Variants in TYK2 observed in about 807,000 individuals in gnomAD.
TYK2 encodes the protein non-receptor tyrosine-protein kinase TYK2.
TYK2 carries 65 observed loss-of-function variants against 130.9 expected under a neutral mutation model. That is an observed-to-expected ratio of 0.50 (90% CI 0.41 to 0.61). The LOEUF is 0.61. TYK2 is among the 20% of genes least tolerant of loss of function. The pLI is 0.00. For synonymous variants in TYK2, 647 were observed against 658.9 expected (o/e 0.98, Z 0.28); for missense variants, 1,378 against 1,610.7 (o/e 0.86, Z 2.47).
At chr19:10,366,674 T>A in intron 5 of TYK2, 94 bp from the exon 6 acceptor site, 1 of 1,348,124 alleles carries the variant, frequency 7.4e-7, no homozygotes. Context: ...TGGACCACAC[T>A]GGAAGAAGTG....
rs947365715 is a variant in TYK2 at position 10,364,548 on chromosome 19, C to G, written c.1367+66G>C. ...ACCTACACACACACCCTGCACAGCC[C>G]CTAGGGCTCACAGTCTAGTTGGCAC... On this transcript the variant is annotated intron_variant, in intron 9 of 24. Coordinates refer to ENST00000525621, the MANE Select transcript of TYK2 (RefSeq NM_003331.5). This position sits in a 1 kb window ranked among gnomAD's most constrained non-coding sequence, Gnocchi z 4.9. 6.3e-7 allele frequency: 1 copy of G among 1,583,980 alleles called. No homozygotes were observed. Among genetic ancestry groups the G allele is most frequent in the African/African-American group, 1.3e-5 (1 of 74,302 alleles).
chr19:10,366,100 C>T (rs979220786), intron 6 of TYK2, among the ~76,000 whole-genome samples: 12 of 152,122 alleles, frequency 7.9e-5, no homozygotes, highest in Non-Finnish European at 2.9e-5. Flanking sequence ...GTCAGGAGTT[C>T]GAGACCAGCC....
chr19:10,364,513 T>A lies in TYK2; in HGVS notation c.1367+101A>T. ...TGGGCGACAAAAAATAAAAAAAAAA[T>A]AAGACGTGCACCTACACACACACCC... On this transcript the variant is annotated intron_variant, in intron 9 of 24. Coordinates refer to ENST00000525621, the MANE Select transcript of TYK2 (RefSeq NM_003331.5). The surrounding 1 kb of genome is among the most constrained non-coding windows in gnomAD (Gnocchi z 4.9). 3.7e-6 allele frequency: 5 copies of A among 1,345,596 alleles called. No homozygotes were observed. Among genetic ancestry groups the A allele is most frequent in the Admixed American group, 2.0e-5 (1 of 49,888 alleles). 83.4% of individuals were successfully genotyped at this position (1,345,596 alleles called of 1,614,324 possible). A position where few individuals can be genotyped will look rare whatever the true frequency, so the allele number is the denominator to read the frequency against.
Position 10,352,728 on chromosome 19 carries a change from C to A in TYK2, c.3201-177G>T, listed in dbSNP as rs8100564. 0.093 allele frequency among the ~76,000 whole-genome samples: 14,111 copies of A among 152,216 alleles called. 692 individuals carry two copies. The highest frequency in any genetic ancestry group is 0.16 in the Middle Eastern group (48 of 294). On this transcript the variant is annotated intron_variant, in intron 22 of 24. Transcript: ENST00000525621. Reference sequence around the variant, plus strand: ...TTGGCTAGGCCGCTCATTGGCTAGGCCGGGTTAACCCCGCCCACCAGGCCA... The same window carrying A: ...TTGGCTAGGCCGCTCATTGGCTAGGACGGGTTAACCCCGCCCACCAGGCCA...
In TYK2 at chr19:10,357,836, C is replaced by G. The variant is rs1267074110; in HGVS notation, c.2394G>C (p.Trp798Cys). The G allele has an allele frequency of 6.2e-7, 1 of 1,613,656 alleles. No homozygotes were observed. The highest frequency in any genetic ancestry group is 2.2e-5 in the East Asian group (1 of 44,882). ...ANSLSTAMDK[W>C]GFGATLLEIC... ...TCTCCAGGAGGGTGGCGCCAAACCC[C>G]CACTTGTCCATGGCGGTGCTTAGGC... The change falls in exon 17 of 25, where the codon TGG (tryptophan) becomes TGC (cysteine). Residue 798 changes from tryptophan (W) to cysteine (C), a missense_variant. Physicochemically the swap from Trp to Cys is radical, Grantham distance 215. Coordinates refer to ENST00000525621, the MANE Select transcript of TYK2 (RefSeq NM_003331.5).
In TYK2 at chr19:10,365,665, C is replaced by A. The variant is rs775110100; in HGVS notation, c.863G>T (p.Gly288Val). Residue 288 changes from glycine (G) to valine (V), a missense_variant, in exon 7 of 25, where the codon GGG becomes GTG. Physicochemically the swap from Gly to Val is moderately radical, Grantham distance 109. Coordinates refer to ENST00000525621, the MANE Select transcript of TYK2 (RefSeq NM_003331.5). ...ACTGTCCCGGATGTAGCAGGGCTCC[C>A]CCTCGGCCTGGGCCAGCAGCCTCAG... ...CHLRLLAQAE[G>V]EPCYIRDSGV... 2.6e-5 allele frequency: 42 copies of A among 1,613,396 alleles called. No individual in the cohort carries two copies. The highest frequency in any genetic ancestry group is 1.7e-6 in the Non-Finnish European group (2 of 1,179,862).
Position 10,354,548 on chromosome 19 carries a change from G to A in TYK2, c.2679C>T (p.His893=). The change falls in exon 19 of 25, where the codon CAC becomes CAT. Residue 893 remains histidine, a synonymous_variant. Transcript: ENST00000525621. ...CTCGGATCTTTTTCAAATAGCGCTTGTGGAAAACCGTAGGGTCCGACGCCG... is the reference window on the plus strand; with the variant it reads ...CTCGGATCTTTTTCAAATAGCGCTTATGGAAAACCGTAGGGTCCGACGCCG... ...DSPASDPTVF[H]KRYLKKIRDL... The A allele has an allele frequency of 1.2e-6, 2 of 1,614,052 alleles. No homozygotes were observed. Among genetic ancestry groups the A allele is most frequent in the Non-Finnish European group, 1.7e-6 (2 of 1,180,032 alleles).
Position 10,353,188 on chromosome 19 carries a change from ACAGT to A in TYK2, c.3028-94_3028-91del, listed in dbSNP as rs2040901929. On this transcript the variant is annotated intron_variant, in intron 21 of 24. Transcript: ENST00000525621. The surrounding 1 kb of genome is among the most constrained non-coding windows in gnomAD (Gnocchi z 6.9). ...CCTGAGCAGCCAGGAGGGCTGGGGG[ACAGT>A]CAGGTCAGGCCGGTGGCTACCCGGC... 8.1e-7 allele frequency: 1 copy of A among 1,232,620 alleles called. No individual in the cohort carries two copies. The highest frequency in any genetic ancestry group is 1.1e-6 in the Non-Finnish European group (1 of 927,600). The allele number at this position is 1,232,620 out of a possible 1,614,324, so 76.4% of individuals were successfully genotyped here. A position where few individuals can be genotyped will look rare whatever the true frequency, so the allele number is the denominator to read the frequency against.
chr19:10,365,568 G>A lies in TYK2; in HGVS notation c.960C>T (p.Gly320=), dbSNP rs781737492. The change falls in exon 7 of 25, where the codon GGC becomes GGT. Residue 320 remains glycine, a synonymous_variant. Transcript: ENST00000525621. ...GPPTHEVLVT[G]TGGIQWWPVE... is the part of the protein sequence containing the mutation. ...CTGGCCACCACTGGATGCCACCAGT[G>A]CCTGTCACCAGCACCTCGTGGGTTG... 6.2e-7 allele frequency: 1 copy of A among 1,613,972 alleles called. No homozygotes were observed. Among genetic ancestry groups the A allele is most frequent in the Admixed American group, 1.7e-5 (1 of 60,000 alleles).
Position 10,353,908 on chromosome 19 carries a change from G to A in TYK2, c.2908+134C>T. On this transcript the variant is annotated intron_variant, in intron 20 of 24. Coordinates refer to ENST00000525621, the MANE Select transcript of TYK2 (RefSeq NM_003331.5). The surrounding 1 kb of genome is among the most constrained non-coding windows in gnomAD (Gnocchi z 6.9). ...GCAGCCCAGCCACGCTCACCCAGAT[G>A]CCAAGAACCGCGTACTGCAGCCTGG... is the stretch of plus-strand genomic sequence containing the variant. The A allele has an allele frequency of 1.0e-6, 1 of 1,000,258 alleles. No individual in the cohort carries two copies. The highest frequency in any genetic ancestry group is 1.4e-5 in the South Asian group (1 of 71,088). 62.0% of individuals were successfully genotyped at this position (1,000,258 alleles called of 1,614,324 possible). A position where few individuals can be genotyped will look rare whatever the true frequency, so the allele number is the denominator to read the frequency against.
chr19:10,372,485 T>TATATATATATATATATATATATATATA (rs59201811), intron 3 of TYK2, among the ~76,000 whole-genome samples: 3 of 39,474 alleles, frequency 7.6e-5, no homozygotes, highest in Non-Finnish European at 9.0e-5. Flanking sequence ...TATATATATA[T>TATATATATATATATATATATATATATA]TTTTTTTTTT....
At chr19:10,351,413 G>C in intron 23 of TYK2, 1 of 412,400 alleles carries the variant, frequency 2.4e-6, no homozygotes, top group Non-Finnish European at 4.6e-6. Flanking sequence ...TCTGAACCTG[G>C]GAGGCGGAGG....
Position 10,352,566 on chromosome 19 carries a change from G to C in TYK2, c.3201-15C>G. On this transcript the variant is annotated splice_polypyrimidine_tract_variant and intron_variant, in intron 22 of 24. Coordinates refer to ENST00000525621, the MANE Select transcript of TYK2 (RefSeq NM_003331.5). ...CTGGGGCATACCTAGGGGGAGGGGG[G>C]CACTCAGGCCACGGGGGGCTGCACT... is the stretch of plus-strand genomic sequence containing the variant. The C allele has an allele frequency of 7.4e-6, 9 of 1,220,188 alleles. No individual in the cohort carries two copies. The highest frequency in any genetic ancestry group is 9.2e-6 in the Non-Finnish European group (8 of 868,350). 75.6% of individuals were successfully genotyped at this position (1,220,188 alleles called of 1,614,324 possible).
chr19:10,353,232 G>A lies in TYK2; in HGVS notation c.3028-134C>T, dbSNP rs1439916384. 5.5e-6 allele frequency: 4 copies of A among 732,020 alleles called. No individual in the cohort carries two copies. In the South Asian group the frequency reaches 7.4e-5, roughly 14 times the overall value. The allele number at this position is 732,020 out of a possible 1,614,324, so 45.3% of individuals were successfully genotyped here. A position where few individuals can be genotyped will look rare whatever the true frequency, so the allele number is the denominator to read the frequency against. On this transcript the variant is annotated intron_variant, in intron 21 of 24. Coordinates refer to ENST00000525621, the MANE Select transcript of TYK2 (RefSeq NM_003331.5). The surrounding 1 kb of genome is among the most constrained non-coding windows in gnomAD (Gnocchi z 6.9). ...GGCTACCCGGCCGCTGGAGAGGGCC[G>A]GATGGCACGTGGCACCAAGCAAAAG...
chr19:10,364,715 G>A lies in TYK2; in HGVS notation c.1266C>T (p.Gly422=). 1 of 1,613,746 alleles carries A rather than the reference G, an allele frequency of 6.2e-7. No individual in the cohort carries two copies. The highest frequency in any genetic ancestry group is 8.5e-7 in the Non-Finnish European group (1 of 1,180,002). Residue 422 remains glycine (G), a synonymous_variant, in exon 9 of 25, where the codon GGC becomes GGT. Coordinates refer to ENST00000525621, the MANE Select transcript of TYK2 (RefSeq NM_003331.5). This position sits in a 1 kb window ranked among gnomAD's most constrained non-coding sequence, Gnocchi z 4.9. ...TGGAGTCGGCCGTCAGGCGGAAATAGCCGTCCACCAGCGACACGAAGGACA... is the reference window on the plus strand; with the variant it reads ...TGGAGTCGGCCGTCAGGCGGAAATAACCGTCCACCAGCGACACGAAGGACA... ...AALSFVSLVD[G]YFRLTADSSH...
At position 10,365,553 on chromosome 19, in the gene TYK2, C is replaced by G; in HGVS notation, c.975G>C (p.Gln325His). The change falls in exon 7 of 25, where the codon CAG becomes CAC. Residue 325 changes from glutamine to histidine, a missense_variant. By Grantham distance (24) the Gln-to-His change is conservative (BLOSUM62 0). Coordinates refer to ENST00000525621, the MANE Select transcript of TYK2 (RefSeq NM_003331.5). The part of the protein sequence containing the change: ...EVLVTGTGGI[Q>H]WWPVEEEVNK... ...TCACCTCCTCCTCTACTGGCCACCACTGGATGCCACCAGTGCCTGTCACCA... is the reference window on the plus strand; with the variant it reads ...TCACCTCCTCCTCTACTGGCCACCAGTGGATGCCACCAGTGCCTGTCACCA... The G allele has an allele frequency of 6.2e-7, 1 of 1,614,100 alleles. No homozygotes were observed. Among genetic ancestry groups the G allele is most frequent in the Non-Finnish European group, 8.5e-7 (1 of 1,180,010 alleles).
In TYK2 at chr19:10,378,299, A is replaced by C. The variant is rs1480280465; in HGVS notation, c.108T>G (p.Gly36=). 1 of 1,612,868 alleles carries C rather than the reference A, an allele frequency of 6.2e-7. No individual in the cohort carries two copies. The highest frequency in any genetic ancestry group is 2.2e-5 in the East Asian group (1 of 44,878). ...TGACCCAGGGCTCCCCGCCGCCTGG[A>C]CCAGCCCAGTGCAGAAGCACCTTCA... ...GGLKVLLHWA[G]PGGGEPWVTF... The change falls in exon 3 of 25, where the codon GGT becomes GGG. Residue 36 remains glycine (G), a synonymous_variant. Coordinates refer to ENST00000525621, the MANE Select transcript of TYK2 (RefSeq NM_003331.5).
intron 3 of TYK2, 92 bp from the exon 4 acceptor site, chr19:10,368,510 CCTCT>C (rs776921694): frequency 4.4e-6 from 7 of 1,576,484 alleles, no homozygotes; most frequent in Non-Finnish European, 6.1e-6. Flanking sequence ...CTTCACACTC[CCTCT>C]GAGGCCCCCT....
Position 10,368,334 on chromosome 19 carries a change from A to C in TYK2, c.278T>G (p.Ile93Ser). ...VWLPPNHILE[I>S]PRDASLMLYF... is the part of the protein sequence containing the mutation. ...TAGCATCAGGCTTGCATCTCTGGGG[A>C]TCTCTAGGATGTGGTTTGGGGGCAA... The change falls in exon 4 of 25, where the codon ATC (isoleucine) becomes AGC (serine). Residue 93 changes from isoleucine to serine, a missense_variant. Physicochemically the swap from Ile to Ser is moderately radical, Grantham distance 142 (BLOSUM62 -2). Transcript: ENST00000525621. The C allele has an allele frequency of 6.2e-7, 1 of 1,614,076 alleles. No individual in the cohort carries two copies. Among genetic ancestry groups the C allele is most frequent in the East Asian group, 2.2e-5 (1 of 44,878 alleles).
Sources: gnomAD v4.1 joint callset for allele counts (sites outside exome capture counted in the v4.1 genomes callset) on GRCh38, gnomAD v4.1.1 for gene constraint, Gnocchi (gnomAD v3.1) non-coding constraint, MANE v1.5 for transcripts, NCBI Gene and HGNC (gene_info 2026-07-23, HGNC 2026-07-21) for gene names.